PCSK2: variants seen among roughly 807,000 people sequenced by gnomAD.
PCSK2 encodes proprotein convertase subtilisin/kexin type 2.
In PCSK2, 14 loss-of-function variants were observed where a neutral mutation model predicts 69.7. That is an observed-to-expected ratio of 0.20 (90% CI 0.13 to 0.31). The LOEUF (loss-of-function observed/expected upper bound fraction) is 0.31. Among genes scored for constraint, PCSK2 ranks in the 10% least tolerant of loss-of-function variants. PCSK2 has a pLI of 1.00. For missense variants in PCSK2, 544 were observed against 842.5 expected (o/e 0.65, Z 4.39); for synonymous variants, 307 against 320.7 (o/e 0.96, Z 0.46).
chr20:17,227,366 G>T lies in PCSK2; in HGVS notation c.61G>T (p.Val21Phe). 1 of 1,614,022 alleles carries T rather than the reference G, an allele frequency of 6.2e-7. No homozygotes were observed. Among genetic ancestry groups the T allele is most frequent in the Non-Finnish European group, 8.5e-7 (1 of 1,179,960 alleles). Residue 21 changes from valine (V) to phenylalanine (F), a missense_variant, in exon 1 of 12, where the codon GTT becomes TTT. Transcript: ENST00000262545. Reference protein sequence around the residue: ...AAAGFLFCVMVFASAERPVFT... With the variant: ...AAAGFLFCVMFFASAERPVFT... ...CGCCGGGTTCCTCTTCTGTGTCATGGTTTTTGCATCTGCTGAGCGACCGGT... is the reference window on the plus strand; with the variant it reads ...CGCCGGGTTCCTCTTCTGTGTCATGTTTTTTGCATCTGCTGAGCGACCGGT...
In PCSK2 at chr20:17,272,362, T is replaced by A. The variant is rs577321818; in HGVS notation, c.282+12018T>A. 7.9e-5 allele frequency among the ~76,000 whole-genome samples: 12 copies of A among 152,278 alleles called. No homozygotes were observed. In the South Asian group the frequency reaches 2.5e-3, roughly 32 times the overall value. ...TTTAGCATTTTGTGGAAGTCATAGA[T>A]CTCACATTGATTAATAGTGAACCTA... On this transcript the variant is annotated intron_variant, in intron 2 of 11. Coordinates refer to ENST00000262545, the MANE Select transcript of PCSK2 (RefSeq NM_002594.5).
chr20:17,387,863 C>G (rs2031277192), intron 5 of PCSK2, among the ~76,000 whole-genome samples: 1 of 152,144 alleles, frequency 6.6e-6, no homozygotes, highest in Non-Finnish European at 1.5e-5. Context: ...GAAATAACTA[C>G]AGAAATAATT....
intron 2 of PCSK2, among the ~76,000 whole-genome samples, chr20:17,322,899 T>C (rs964765688): frequency 1.2e-4 from 19 of 152,224 alleles, no homozygotes; most frequent in Non-Finnish European, 2.1e-4. Flanking sequence ...GAGTTCACTC[T>C]GTCACCCAGG....
intron 2 of PCSK2, among the ~76,000 whole-genome samples, chr20:17,265,113 C>G (rs185254943): frequency 2.6e-5 from 4 of 152,292 alleles, no homozygotes; most frequent in African/African-American, 9.6e-5. Context: ...ATCCACCCGC[C>G]TTGGCCTCCC....
chr20:17,433,522 G>A (rs2032409474), intron 7 of PCSK2, among the ~76,000 whole-genome samples: 1 of 152,234 alleles, frequency 6.6e-6, no homozygotes, highest in Admixed American at 6.5e-5. Context: ...AGCAGAGGCA[G>A]AGAGGGTGCA....
intron 2 of PCSK2, among the ~76,000 whole-genome samples, chr20:17,337,160 C>T (rs548993588): frequency 6.6e-6 from 1 of 152,264 alleles, no homozygotes; most frequent in Admixed American, 6.5e-5. Context: ...GGAAGGAAAC[C>T]AATGATGGAG....
chr20:17,387,752 C>T (rs1600539889), intron 5 of PCSK2, among the ~76,000 whole-genome samples: 2 of 152,146 alleles, frequency 1.3e-5, no homozygotes, highest in Non-Finnish European at 2.9e-5. Context: ...GCAAGAATCC[C>T]TAGGATCCCA....
chr20:17,315,717 A>G (rs1355720813), intron 2 of PCSK2, among the ~76,000 whole-genome samples: 1 of 152,200 alleles, frequency 6.6e-6, no homozygotes, highest in Non-Finnish European at 1.5e-5. Flanking sequence ...TAAGTGAGAA[A>G]AAGAGAAGCC....
intron 2 of PCSK2, among the ~76,000 whole-genome samples, chr20:17,290,199 C>T (rs548863716): frequency 9.2e-4 from 140 of 152,254 alleles, no homozygotes; most frequent in Non-Finnish European, 1.8e-3. Flanking sequence ...GAGTGTGTGG[C>T]TTACAGCATC....
At chr20:17,434,371 T>A (rs1238385906) in intron 7 of PCSK2, among the ~76,000 whole-genome samples, 1 of 84,780 alleles carries the variant, frequency 1.2e-5, no homozygotes, top group East Asian at 2.8e-4. Flanking sequence ...GCCTCTGTCT[T>A]GGCTTGGTGC....
At chr20:17,444,097 C>T (rs1237441316) in intron 8 of PCSK2, among the ~76,000 whole-genome samples, 5 of 152,210 alleles carry the variant, frequency 3.3e-5, no homozygotes, top group Admixed American at 6.5e-5. Context: ...TAGTGACTTC[C>T]ACTGCCTGGT....
At chr20:17,365,074 C>A (rs1052617990) in intron 4 of PCSK2, among the ~76,000 whole-genome samples, 7 of 152,198 alleles carry the variant, frequency 4.6e-5, no homozygotes, top group African/African-American at 1.7e-4. Context: ...GATGCTGTAA[C>A]AAAATACCTT....
At chr20:17,358,874 T>C (rs1228008338) in intron 3 of PCSK2, among the ~76,000 whole-genome samples, 1 of 152,200 alleles carries the variant, frequency 6.6e-6, no homozygotes, top group Non-Finnish European at 1.5e-5. Flanking sequence ...GCAAGAAAGC[T>C]TGGAGACTAA....
At chr20:17,450,467 G>A (rs538430642) in intron 8 of PCSK2, among the ~76,000 whole-genome samples, 32 of 152,316 alleles carry the variant, frequency 2.1e-4, no homozygotes, top group Admixed American at 3.9e-4. Flanking sequence ...TGCTTGCTGT[G>A]ATAGTCAACC....
intron 6 of PCSK2, among the ~76,000 whole-genome samples, chr20:17,413,520 C>T (rs999834940): frequency 3.0e-4 from 46 of 152,230 alleles, no homozygotes; most frequent in African/African-American, 9.4e-4. Context: ...CAGGAGCACC[C>T]AGATTCATAA....
Position 17,246,064 on chromosome 20 carries a change from G to A in PCSK2, c.178-14176G>A, listed in dbSNP as rs4572662. ...CTGATCTTTTTAATTTACTCAGCAG[G>A]TATCTATGACATGATACTCTGCACC... On this transcript the variant is annotated intron_variant, in intron 1 of 11. Coordinates refer to ENST00000262545, the MANE Select transcript of PCSK2 (RefSeq NM_002594.5). Among the ~76,000 whole-genome samples the A allele has an allele frequency of 7.2e-4, 109 of 152,190 alleles. 1 individual carries two copies. The East Asian group carries it at 0.019, about 27-fold the overall frequency.
At chr20:17,415,187 G>A (rs578184531) in intron 6 of PCSK2, among the ~76,000 whole-genome samples, 1 of 152,284 alleles carries the variant, frequency 6.6e-6, no homozygotes, top group Non-Finnish European at 1.5e-5. Context: ...TCTGGCCAGG[G>A]CAATCAGGCA....
intron 5 of PCSK2, among the ~76,000 whole-genome samples, chr20:17,383,263 C>A (rs1360582328): frequency 6.6e-6 from 1 of 152,202 alleles, no homozygotes; most frequent in Non-Finnish European, 1.5e-5. Flanking sequence ...TTTTGCTATG[C>A]TTCTCCTTAT....
intron 1 of PCSK2, among the ~76,000 whole-genome samples, chr20:17,241,197 C>T (rs937331463): frequency 6.6e-6 from 1 of 152,066 alleles, no homozygotes; most frequent in East Asian, 1.9e-4. Flanking sequence ...TACAATGAGG[C>T]TTATAATTTC....
Sources: allele counts gnomAD v4.1 joint callset (sites outside exome capture counted in the v4.1 genomes callset), GRCh38; gene constraint gnomAD v4.1.1; transcripts MANE v1.5; gene names NCBI Gene and HGNC (gene_info 2026-07-23, HGNC 2026-07-21).